The following NEDD4L variants were observed in gnomAD, a reference collection of about 807,000 sequenced individuals.
NEDD4L encodes NEDD4 like E3 ubiquitin protein ligase, also known as E3 ubiquitin-protein ligase NEDD4-like.
A neutral mutation model predicts 148.9 loss-of-function variants in NEDD4L; 54 were observed. That is an observed-to-expected ratio of 0.36 (90% CI 0.29 to 0.45). The LOEUF (loss-of-function observed/expected upper bound fraction) is 0.45, where lower values mean the gene tolerates loss of function less well. NEDD4L is among the 20% of genes least tolerant of loss of function. NEDD4L has a pLI of 1.00. For synonymous variants in NEDD4L, 433 were observed against 440.7 expected, an observed-to-expected ratio of 0.98 and a Z score of 0.22; for missense variants, 856 against 1,233.8, an observed-to-expected ratio of 0.69 and a Z score of 4.59.
intron 18 of NEDD4L, among the ~76,000 whole-genome samples, chr18:58,356,527 G>C (rs2044686366): frequency 6.6e-6 from 1 of 152,196 alleles, no homozygotes; most frequent in African/African-American, 2.4e-5. Context: ...TAATGGTATA[G>C]ATAGCATTGA....
chr18:58,153,943 G>A (rs971932361), intron 1 of NEDD4L, among the ~76,000 whole-genome samples: 2 of 152,136 alleles, frequency 1.3e-5, no homozygotes, highest in Admixed American at 1.3e-4. Flanking sequence ...CACCGCACCC[G>A]GCCCGAAATA....
chr18:58,346,666 C>A (rs1355156491), intron 16 of NEDD4L, among the ~76,000 whole-genome samples: 1 of 152,162 alleles, frequency 6.6e-6, no homozygotes, highest in Non-Finnish European at 1.5e-5. Context: ...TAAAAAGATA[C>A]TGCTCTTTGC....
At chr18:58,197,227 G>T (rs1568369330) in intron 2 of NEDD4L, among the ~76,000 whole-genome samples, 1 of 152,162 alleles carries the variant, frequency 6.6e-6, no homozygotes, top group Non-Finnish European at 1.5e-5. Flanking sequence ...TGTTTCTGTT[G>T]AGAGATGGAA....
chr18:58,234,097 C>CTTTCTTTCTTTCTTTTCTTTTCT (rs1483373337), intron 2 of NEDD4L, among the ~76,000 whole-genome samples: 14 of 83,382 alleles, frequency 1.7e-4, no homozygotes, highest in African/African-American at 8.6e-4. Context: ...TTCTTTCTTT[C>CTTTCTTTCTTTCTTTTCTTTTCT]TTTCTTTTCT....
intron 25 of NEDD4L, among the ~76,000 whole-genome samples, chr18:58,384,985 A>C (rs2048817531): frequency 1.3e-5 from 2 of 152,226 alleles, no homozygotes; most frequent in Non-Finnish European, 2.9e-5. Flanking sequence ...AAATTTTGGC[A>C]TTAAATTATG....
intron 11 of NEDD4L, among the ~76,000 whole-genome samples, chr18:58,332,554 C>T (rs2041134642): frequency 6.6e-6 from 1 of 151,964 alleles, no homozygotes; most frequent in Admixed American, 6.6e-5. Context: ...AGGCCAAGGC[C>T]CAAAAATTTC....
Position 58,381,385 on chromosome 18 carries a change from C to G in NEDD4L, c.2353-1861C>G, listed in dbSNP as rs576417878. On this transcript the variant is annotated intron_variant, in intron 24 of 30. Transcript: ENST00000400345. ...CTCCCCACTTTGTCTGTGGCCGACC[C>G]GCTCATTCAGTAGCTCTCTGGAAAT... is the stretch of plus-strand genomic sequence containing the variant. Among the ~76,000 whole-genome samples, 7 of 152,286 alleles carry G rather than the reference C, an allele frequency of 4.6e-5. No individual in the cohort carries two copies. The South Asian group carries it at 1.5e-3, about 32-fold the overall frequency.
At chr18:58,049,634 C>G (rs368857033) in intron 1 of NEDD4L, among the ~76,000 whole-genome samples, 2 of 152,114 alleles carry the variant, frequency 1.3e-5, no homozygotes, top group Non-Finnish European at 2.9e-5. Flanking sequence ...TTCATGGTGA[C>G]ATTTAAAATC....
At chr18:58,238,107 A>G (rs185504695) in intron 2 of NEDD4L, among the ~76,000 whole-genome samples, 245 of 152,348 alleles carry the variant, frequency 1.6e-3, no homozygotes, top group Non-Finnish European at 2.7e-3. Context: ...AATCTAACCC[A>G]TTAATCTCTT....
At chr18:58,351,209 A>G in intron 18 of NEDD4L, 164 bp downstream of exon 18, 2 of 983,880 alleles carry the variant, frequency 2.0e-6, no homozygotes, top group Non-Finnish European at 2.4e-6. Flanking sequence ...GGTACTGTGC[A>G]TTCACCCCAA....
At chr18:58,375,479 A>G (rs2047443671) in intron 24 of NEDD4L, among the ~76,000 whole-genome samples, 1 of 152,050 alleles carries the variant, frequency 6.6e-6, no homozygotes, top group Admixed American at 6.5e-5. Context: ...ATGACCCCTC[A>G]TAATCCAGAC....
chr18:58,139,376 T>C (rs1337370132), intron 1 of NEDD4L, among the ~76,000 whole-genome samples: 2 of 146,550 alleles, frequency 1.4e-5, no homozygotes, highest in Admixed American at 6.8e-5. Context: ...GACGTAATAC[T>C]TAATGAACCA....
chr18:58,199,414 T>A (rs563415500), intron 2 of NEDD4L, among the ~76,000 whole-genome samples: 1 of 152,046 alleles, frequency 6.6e-6, no homozygotes, highest in Non-Finnish European at 1.5e-5. Flanking sequence ...TGGGTGCTGC[T>A]CCACTTTCTA....
intron 2 of NEDD4L, among the ~76,000 whole-genome samples, chr18:58,188,999 TTCAC>T (rs1353320287): frequency 6.6e-6 from 1 of 152,030 alleles, no homozygotes; most frequent in Non-Finnish European, 1.5e-5. Flanking sequence ...AGACCTTTTC[TTCAC>T]CTGTCTCGGG....
At chr18:58,147,362 G>A (rs974672970) in intron 1 of NEDD4L, among the ~76,000 whole-genome samples, 1 of 151,916 alleles carries the variant, frequency 6.6e-6, no homozygotes, top group Admixed American at 6.6e-5. Context: ...ACTTTCCCTG[G>A]TGTAATATTA....
intron 1 of NEDD4L, among the ~76,000 whole-genome samples, chr18:58,147,933 G>A (rs2034268208): frequency 6.6e-6 from 1 of 152,076 alleles, no homozygotes; most frequent in African/African-American, 2.4e-5. Context: ...TGGTTTCTGT[G>A]CTCTGGCTCT....
chr18:58,072,550 ATCAAC>A (rs2082921144), intron 1 of NEDD4L, among the ~76,000 whole-genome samples: 1 of 152,224 alleles, frequency 6.6e-6, no homozygotes, highest in Non-Finnish European at 1.5e-5. Context: ...GATGAAAACT[ATCAAC>A]TAGTAATAGA....
chr18:58,303,929 C>T (rs556114816), intron 5 of NEDD4L, among the ~76,000 whole-genome samples: 2 of 152,256 alleles, frequency 1.3e-5, no homozygotes, highest in South Asian at 4.1e-4. Context: ...CTAGAACATT[C>T]TTATAGAGTT....
chr18:58,397,138 C>T lies in NEDD4L; in HGVS notation c.*869C>T, dbSNP rs1244069199. ...TTACTTAACCCTTCCTGGCGCTGTA[C>T]AGTCATCTTTTATTCTATTTCCTCT... On this transcript the variant is annotated 3_prime_UTR_variant, in exon 31 of 31. Transcript: ENST00000400345. The T allele has an allele frequency of 6.6e-6, 1 of 152,594 alleles. No homozygotes were observed. The highest frequency in any genetic ancestry group is 1.5e-5 in the Non-Finnish European group (1 of 68,024). 9.5% of individuals were successfully genotyped at this position (152,594 alleles called of 1,614,324 possible). A position where few individuals can be genotyped will look rare whatever the true frequency, so the allele number is the denominator to read the frequency against.
Sources: allele counts gnomAD v4.1 joint callset (sites outside exome capture counted in the v4.1 genomes callset), GRCh38; gene constraint gnomAD v4.1.1; transcripts MANE v1.5; gene names NCBI Gene and HGNC (gene_info 2026-07-23, HGNC 2026-07-21).